Variants in TNFRSF10B observed in about 807,000 individuals in gnomAD.
TNFRSF10B encodes TNF receptor superfamily member 10b, also known as tumor necrosis factor receptor superfamily member 10B.
In TNFRSF10B, 35 loss-of-function variants were observed where a neutral mutation model predicts 41.4. That is an observed-to-expected ratio of 0.85 (90% confidence interval 0.65 to 1.12). The LOEUF (loss-of-function observed/expected upper bound fraction) is 1.12, where lower values mean the gene tolerates loss of function less well. TNFRSF10B is among the 50% of genes most tolerant of loss of function. The probability of loss-of-function intolerance (pLI) is 0.00; values close to 1 mark genes in which losing one functional copy is unlikely to be tolerated. For missense variants in TNFRSF10B, 584 were observed against 552.7 expected (o/e 1.06, Z -0.57); for synonymous variants, 230 against 215.5 (o/e 1.07, Z -0.59).
At chr8:23,024,020 A>G (rs76583819) in intron 8 of TNFRSF10B, among the ~76,000 whole-genome samples, 168 bp downstream of exon 8, 3,331 of 152,186 alleles carry the variant, frequency 0.022, 41 homozygotes, top group South Asian at 0.044. Flanking sequence ...TAGAGTGGGG[A>G]GAAGAGATGG....
Position 23,020,431 on chromosome 8 carries a change from C to T in TNFRSF10B, c.*2240G>A. ...GAATAGCTTGGCCTGGCTGGTGGCT[C>T]ACGCCTGTAATCCCAGCACTTTCGG... On this transcript the variant is annotated 3_prime_UTR_variant, in exon 9 of 9. Transcript: ENST00000276431. 4.4e-6 allele frequency: 2 copies of T among 454,116 alleles called. No homozygotes were observed. Among genetic ancestry groups the T allele is most frequent in the South Asian group, 3.1e-5 (2 of 64,474 alleles). The allele number at this position is 454,116 out of a possible 1,614,324, so 28.1% of individuals were successfully genotyped here.
In TNFRSF10B at chr8:23,029,521, G is replaced by T. The variant is rs1293868168; in HGVS notation, c.476+89C>A. The T allele has an allele frequency of 6.2e-6, 8 of 1,294,654 alleles. No homozygotes were observed. In the East Asian group the frequency reaches 1.0e-4, roughly 16 times the overall value. 80.2% of individuals were successfully genotyped at this position (1,294,654 alleles called of 1,614,324 possible). A position where few individuals can be genotyped will look rare whatever the true frequency, so the allele number is the denominator to read the frequency against. Reference sequence around the variant, plus strand: ...ACAGCCTCAAGGATGCCCCTTGCGGGTGCTGTCAGGGGAGAGACAGGGGTA... The same window carrying T: ...ACAGCCTCAAGGATGCCCCTTGCGGTTGCTGTCAGGGGAGAGACAGGGGTA... On this transcript the variant is annotated intron_variant, in intron 4 of 8. Coordinates refer to ENST00000276431, the MANE Select transcript of TNFRSF10B (RefSeq NM_003842.5).
At chr8:23,042,389 A>G (rs1223396832) in intron 2 of TNFRSF10B, among the ~76,000 whole-genome samples, 1 of 152,216 alleles carries the variant, frequency 6.6e-6, no homozygotes, top group Admixed American at 6.5e-5. Context: ...GCAGCAATCA[A>G]TTCCTAACTC....
Position 23,064,922 on chromosome 8 carries a change from ATAT to A in TNFRSF10B, c.144+3826_144+3828del, listed in dbSNP as rs1563326487. 9.8e-5 allele frequency among the ~76,000 whole-genome samples: 15 copies of A among 152,308 alleles called. 1 individual carries two copies. The South Asian group carries it at 2.9e-3, about 29-fold the overall frequency. ...CCTCAATGTTGATTTTAAGCAAACC[ATAT>A]TATCCTGGCCAAACTACCATGACCT... On this transcript the variant is annotated intron_variant, in intron 1 of 8. Transcript: ENST00000276431.
At chr8:23,039,574 A>T (rs1425504332) in intron 2 of TNFRSF10B, among the ~76,000 whole-genome samples, 2 of 152,196 alleles carry the variant, frequency 1.3e-5, no homozygotes, top group African/African-American at 4.8e-5. Flanking sequence ...CCCATCTAAA[A>T]CCAACAACAA....
chr8:23,021,062 C>T lies in TNFRSF10B; in HGVS notation c.*1609G>A. 1 of 454,134 alleles carries T rather than the reference C, an allele frequency of 2.2e-6. No homozygotes were observed. Among genetic ancestry groups the T allele is most frequent in the Non-Finnish European group, 4.4e-6 (1 of 226,806 alleles). 28.1% of individuals were successfully genotyped at this position (454,134 alleles called of 1,614,324 possible). ...CCCAAACCAGTCCCGGAACAAAACACACAATGCCTTGAGACAGAAAAGACC... is the reference window on the plus strand; with the variant it reads ...CCCAAACCAGTCCCGGAACAAAACATACAATGCCTTGAGACAGAAAAGACC... On this transcript the variant is annotated 3_prime_UTR_variant, in exon 9 of 9. Coordinates refer to ENST00000276431, the MANE Select transcript of TNFRSF10B (RefSeq NM_003842.5).
chr8:23,057,093 G>A (rs1365612092), intron 1 of TNFRSF10B, among the ~76,000 whole-genome samples: 1 of 145,292 alleles, frequency 6.9e-6, no homozygotes, highest in Admixed American at 6.9e-5. Context: ...TGGATGGAGT[G>A]CAGTGGTGCA....
chr8:23,021,019 A>T lies in TNFRSF10B; in HGVS notation c.*1652T>A, dbSNP rs961716110. The T allele has an allele frequency of 2.2e-6, 1 of 453,996 alleles. No individual in the cohort carries two copies. The highest frequency in any genetic ancestry group is 4.4e-6 in the Non-Finnish European group (1 of 226,786). The allele number at this position is 453,996 out of a possible 1,614,324, so 28.1% of individuals were successfully genotyped here. A position where few individuals can be genotyped will look rare whatever the true frequency, so the allele number is the denominator to read the frequency against. On this transcript the variant is annotated 3_prime_UTR_variant, in exon 9 of 9. Coordinates refer to ENST00000276431, the MANE Select transcript of TNFRSF10B (RefSeq NM_003842.5). ...CAGTCTGAATGTGTGATCTTCAGGC[A>T]ATTCTAACTTTGTCCCACCCAAACC...
intron 1 of TNFRSF10B, among the ~76,000 whole-genome samples, chr8:23,045,600 A>G (rs2128816633): frequency 6.6e-6 from 1 of 152,352 alleles, no homozygotes; most frequent in African/African-American, 2.4e-5. Context: ...GGCTTGCATT[A>G]CCTTGATACC....
intron 2 of TNFRSF10B, among the ~76,000 whole-genome samples, chr8:23,042,058 G>T (rs1396107476): frequency 1.3e-5 from 2 of 152,150 alleles, no homozygotes; most frequent in Non-Finnish European, 2.9e-5. Flanking sequence ...AGTTGAATTT[G>T]GTGCCTCGAT....
At chr8:23,043,328 C>G (rs1219839009) in intron 1 of TNFRSF10B, 85 bp from the exon 2 acceptor site, 2 of 1,051,950 alleles carry the variant, frequency 1.9e-6, no homozygotes, top group Non-Finnish European at 2.9e-6. Context: ...TGAGCCCAGG[C>G]ACCCAAGCTA....
chr8:23,047,696 G>A (rs1812404267), intron 1 of TNFRSF10B, among the ~76,000 whole-genome samples: 1 of 152,126 alleles, frequency 6.6e-6, no homozygotes, highest in Non-Finnish European at 1.5e-5. Context: ...TCAAAAAGAT[G>A]CACGATAACA....
intron 2 of TNFRSF10B, among the ~76,000 whole-genome samples, chr8:23,031,170 G>T (rs967347281): frequency 4.6e-5 from 7 of 152,060 alleles, no homozygotes; most frequent in African/African-American, 1.7e-4. Context: ...CCGCCTCCTG[G>T]GTTCAAGAGA....
intron 1 of TNFRSF10B, among the ~76,000 whole-genome samples, chr8:23,049,349 A>T (rs1422909429): frequency 6.6e-6 from 1 of 152,046 alleles, no homozygotes; most frequent in Non-Finnish European, 1.5e-5. Context: ...CTTAACAAGG[A>T]CTCATTTAGG....
chr8:23,045,067 A>G (rs1812317311), intron 1 of TNFRSF10B, among the ~76,000 whole-genome samples: 1 of 148,672 alleles, frequency 6.7e-6, no homozygotes, highest in Admixed American at 6.7e-5. Flanking sequence ...ATACAAAAAA[A>G]AAAAAAAAAA....
chr8:23,068,592 C>T (rs1438602049), intron 1 of TNFRSF10B, among the ~76,000 whole-genome samples, 159 bp downstream of exon 1: 1 of 152,112 alleles, frequency 6.6e-6, no homozygotes, highest in Non-Finnish European at 1.5e-5. Context: ...CCCGGGGACC[C>T]ATCTCTTCCC....
intron 2 of TNFRSF10B, among the ~76,000 whole-genome samples, chr8:23,032,266 T>A (rs1285832544): frequency 6.6e-6 from 1 of 152,174 alleles, no homozygotes; most frequent in Non-Finnish European, 1.5e-5. Flanking sequence ...CTGTTCTGAA[T>A]GAGCTCCTAG....
chr8:23,047,661 C>T (rs1051850724), intron 1 of TNFRSF10B, among the ~76,000 whole-genome samples: 1 of 151,428 alleles, frequency 6.6e-6, no homozygotes, highest in Admixed American at 6.6e-5. Flanking sequence ...GAGATATCAT[C>T]TCATACCTAT....
chr8:23,042,913 C>T lies in TNFRSF10B; in HGVS notation c.250+225G>A, dbSNP rs1812247049. ...CCTCACCAGCCCCATCTCTGTCCCACTCAATTCTCTCTCAAGGTTCCTATC... is the reference window on the plus strand; with the variant it reads ...CCTCACCAGCCCCATCTCTGTCCCATTCAATTCTCTCTCAAGGTTCCTATC... On this transcript the variant is annotated intron_variant, in intron 2 of 8. Transcript: ENST00000276431. 4 of 514,886 alleles carry T rather than the reference C, an allele frequency of 7.8e-6. No homozygotes were observed. In the East Asian group the frequency reaches 9.9e-5, roughly 13 times the overall value. 31.9% of individuals were successfully genotyped at this position (514,886 alleles called of 1,614,324 possible).
Sources: gnomAD v4.1 joint callset for allele counts (sites outside exome capture counted in the v4.1 genomes callset) on GRCh38, gnomAD v4.1.1 for gene constraint, MANE v1.5 for transcripts, NCBI Gene and HGNC (gene_info 2026-07-23, HGNC 2026-07-21) for gene names.